Variants in EIF4G1 observed in about 807,000 individuals in gnomAD.
EIF4G1 encodes eukaryotic translation initiation factor 4 gamma 1.
EIF4G1 carries 4 observed loss-of-function variants against 187.8 expected under a neutral mutation model. The ratio of observed to expected loss-of-function variants is 0.02; its 90% confidence interval spans 0.01 to 0.05. The LOEUF (loss-of-function observed/expected upper bound fraction) is 0.05, where lower values mean the gene tolerates loss of function less well. Ranked by LOEUF, EIF4G1 falls within the 10% of genes least tolerant of loss-of-function variation. The pLI is 1.00. For missense variants in EIF4G1, 1,647 were observed against 2,081.1 expected (o/e 0.79, Z 4.06); for synonymous variants, 844 against 781.4 (o/e 1.08, Z -1.34).
At chr3:184,328,325 A>G (rs1352445180) in intron 26 of EIF4G1, 4 of 482,360 alleles carry the variant, frequency 8.3e-6, no homozygotes, top group Non-Finnish European at 1.5e-5. Context: ...CGGGAGGTGG[A>G]GGTTGCAGTG....
rs767237188 is a variant in EIF4G1 at position 184,327,825 on chromosome 3, C to T, written c.3781-5C>T. The stretch of plus-strand genomic sequence containing the variant: ...TCTCTTCCTGCTGTGCCCTGCACCC[C>T]TCAGGAGGCAGTCCAGTGCGTGCAG... On this transcript the variant is annotated splice_polypyrimidine_tract_variant and splice_region_variant and intron_variant, in intron 25 of 32. Transcript: ENST00000346169. 12 of 1,614,082 alleles carry T rather than the reference C, an allele frequency of 7.4e-6. No individual in the cohort carries two copies. Among genetic ancestry groups the T allele is most frequent in the Admixed American group, 1.7e-5 (1 of 60,030 alleles).
intron 16 of EIF4G1, 49 bp from the exon 17 acceptor site, chr3:184,324,152 T>C (rs773225953): frequency 6.2e-7 from 1 of 1,613,938 alleles, no homozygotes; most frequent in African/African-American, 1.3e-5. Flanking sequence ...TTGGAGGGCC[T>C]TCCCTGCCCA....
intron 23 of EIF4G1, 66 bp downstream of exon 23, chr3:184,327,049 C>T: frequency 1.2e-6 from 2 of 1,606,144 alleles, no homozygotes; most frequent in East Asian, 2.2e-5. Context: ...TGGTTGTTGC[C>T]ATAGGTTGGA....
chr3:184,319,653 G>A (rs779142518), intron 6 of EIF4G1, 36 bp from the exon 7 acceptor site: 22 of 1,348,776 alleles, frequency 1.6e-5, no homozygotes, highest in African/African-American at 8.6e-5. Context: ...GGGCCCTGAC[G>A]CTACCACCAT....
In EIF4G1 at chr3:184,317,340, C is replaced by G. The variant is rs367958841; in HGVS notation, c.167C>G (p.Ala56Gly). Residue 56 changes from alanine to glycine, a missense_variant, in exon 5 of 33, where the codon GCC (alanine) becomes GGC (glycine). Transcript: ENST00000346169. The part of the protein sequence containing the change: ...QPRQHFYPSR[A>G]QPPSSAASRV... The stretch of plus-strand genomic sequence containing the variant: ...TGACAGCACTTCTACCCTAGCCGGG[C>G]CCAGCCCCCGAGCAGTGCAGCCTCC... 11 of 1,613,998 alleles carry G rather than the reference C, an allele frequency of 6.8e-6. No individual in the cohort carries two copies. Among genetic ancestry groups the G allele is most frequent in the African/African-American group, 2.7e-5 (2 of 74,914 alleles).
chr3:184,326,078 A>C lies in EIF4G1; in HGVS notation c.3222+127A>C. The C allele has an allele frequency of 3.0e-6, 3 of 994,752 alleles. No individual in the cohort carries two copies. In the South Asian group the frequency reaches 4.0e-5, roughly 13 times the overall value. The allele number at this position is 994,752 out of a possible 1,614,324, so 61.6% of individuals were successfully genotyped here. A position where few individuals can be genotyped will look rare whatever the true frequency, so the allele number is the denominator to read the frequency against. On this transcript the variant is annotated intron_variant, in intron 21 of 32. Transcript: ENST00000346169. ...ACTAACTGGTTGGATTGCTGGAGAC[A>C]GGACTGCCAGCTGTAGAGGGAGGGT...
Position 184,325,460 on chromosome 3 carries a change from C to T in EIF4G1, c.2962-20C>T, listed in dbSNP as rs1724715694. The T allele has an allele frequency of 1.2e-6, 2 of 1,614,194 alleles. No individual in the cohort carries two copies. The highest frequency in any genetic ancestry group is 2.7e-5 in the African/African-American group (2 of 75,058). On this transcript the variant is annotated intron_variant, in intron 19 of 32. Transcript: ENST00000346169. The surrounding 1 kb of genome is among the most constrained non-coding windows in gnomAD (Gnocchi z 5.2). The stretch of plus-strand genomic sequence containing the variant: ...CTTGCCTTCCCTGACATCATCGTGA[C>T]TGGCCCTCTGTCTCCACAGAGCAAT...
Position 184,325,252 on chromosome 3 carries a change from G to T in EIF4G1, c.2857-17G>T. 1 of 1,613,770 alleles carries T rather than the reference G, an allele frequency of 6.2e-7. No homozygotes were observed. The highest frequency in any genetic ancestry group is 8.5e-7 in the Non-Finnish European group (1 of 1,179,708). On this transcript the variant is annotated splice_polypyrimidine_tract_variant and intron_variant, in intron 18 of 32. Coordinates refer to ENST00000346169, the MANE Select transcript of EIF4G1 (RefSeq NM_198241.3). This position sits in a 1 kb window ranked among gnomAD's most constrained non-coding sequence, Gnocchi z 5.2. ...GGACATGAGAAGTTCCTGGTCTGAT[G>T]CCTTTCTCCTTCCTAGCCCCGAATG... is the stretch of plus-strand genomic sequence containing the variant.
rs183986949 is a variant in EIF4G1 at position 184,332,663 on chromosome 3, G to C, written c.4618+577G>C. On this transcript the variant is annotated intron_variant, in intron 32 of 32. Coordinates refer to ENST00000346169, the MANE Select transcript of EIF4G1 (RefSeq NM_198241.3). ...CGGAGGGAGGACACCTGGTCTGAGGGGTAATGAGTGGTAATTCACTCCACA... is the reference window on the plus strand; with the variant it reads ...CGGAGGGAGGACACCTGGTCTGAGGCGTAATGAGTGGTAATTCACTCCACA... 2.8e-4 allele frequency among the ~76,000 whole-genome samples: 42 copies of C among 152,278 alleles called. No homozygotes were observed. The East Asian group carries it at 7.5e-3, about 27-fold the overall frequency.
chr3:184,324,650 C>T (rs1200555098), intron 17 of EIF4G1, among the ~76,000 whole-genome samples: 2 of 152,152 alleles, frequency 1.3e-5, no homozygotes, highest in South Asian at 2.1e-4. Flanking sequence ...TTAATAGAGA[C>T]GGGGTTTTAC....
In EIF4G1 at chr3:184,320,734, T is replaced by C; in HGVS notation, c.630+12T>C. 6.2e-7 allele frequency: 1 copy of C among 1,614,160 alleles called. No homozygotes were observed. The highest frequency in any genetic ancestry group is 8.5e-7 in the Non-Finnish European group (1 of 1,180,008). On this transcript the variant is annotated intron_variant, in intron 8 of 32. Coordinates refer to ENST00000346169, the MANE Select transcript of EIF4G1 (RefSeq NM_198241.3). ...CCACCCCTCCCCAGGTACTGTCTGC[T>C]TTTCGAGTGATACCCTGGCTGGGAT...
rs748637479 is a variant in EIF4G1 at position 184,323,467 on chromosome 3, T to A, written c.2148T>A (p.Ile716=). The change falls in exon 15 of 33, where the codon ATT becomes ATA. Residue 716 remains isoleucine, a synonymous_variant. Coordinates refer to ENST00000346169, the MANE Select transcript of EIF4G1 (RefSeq NM_198241.3). The surrounding 1 kb of genome is among the most constrained non-coding windows in gnomAD (Gnocchi z 6.9). The part of the protein sequence containing the change: ...QGPRKEPRKI[I]ATVLMTEDIK... ...CCCGAAAAGAACCACGCAAGATCAT[T>A]GCCACAGTGTTAATGACCGAAGATA... is the stretch of plus-strand genomic sequence containing the variant. 4.3e-6 allele frequency: 7 copies of A among 1,614,146 alleles called. No individual in the cohort carries two copies. In the Admixed American group the frequency reaches 1.2e-4, roughly 27 times the overall value.
In EIF4G1 at chr3:184,326,970, C is replaced by T. The variant is rs756207906; in HGVS notation, c.3415C>T (p.Arg1139Cys). ...AVPTESTDNR[R>C]VVQRSSLSRE... The stretch of plus-strand genomic sequence containing the variant: ...ACCCACAGAAAGCACAGATAATAGA[C>T]GTGTGGTGCAGAGGTGAGGTTTCCT... Residue 1139 changes from arginine (R) to cysteine (C), a missense_variant, in exon 23 of 33, where the codon CGT becomes TGT. Coordinates refer to ENST00000346169, the MANE Select transcript of EIF4G1 (RefSeq NM_198241.3). 204 of 1,614,080 alleles carry T rather than the reference C, an allele frequency of 1.3e-4. No homozygotes were observed. Among genetic ancestry groups the T allele is most frequent in the Non-Finnish European group, 1.6e-4 (193 of 1,180,050 alleles).
chr3:184,326,922 T>C lies in EIF4G1; in HGVS notation c.3367T>C (p.Phe1123Leu). ...ARPATSTLNR[F>L]SALQQAVPTE... ...CCCAGCTACTAGTACTTTGAATCGC[T>C]TCTCAGCCCTTCAACAAGCGGTACC... The change falls in exon 23 of 33, where the codon TTC becomes CTC. Residue 1123 changes from phenylalanine (F) to leucine (L), a missense_variant. Phe to Leu is a conservative substitution (Grantham distance 22, BLOSUM62 0). Transcript: ENST00000346169. 6.2e-7 allele frequency: 1 copy of C among 1,614,248 alleles called. No individual in the cohort carries two copies. The highest frequency in any genetic ancestry group is 8.5e-7 in the Non-Finnish European group (1 of 1,180,046).
At position 184,328,723 on chromosome 3, in the gene EIF4G1, A is replaced by C; in HGVS notation, c.4046A>C (p.Gln1349Pro). Residue 1349 changes from glutamine to proline, a missense_variant, in exon 27 of 33, where the codon CAG (glutamine) becomes CCG (proline). By Grantham distance (76) the Gln-to-Pro change is moderately conservative. This residue lies in a region of EIF4G1 where 543 missense variants were observed against 638.0 expected (regional missense o/e 0.85). Coordinates refer to ENST00000346169, the MANE Select transcript of EIF4G1 (RefSeq NM_198241.3). ...GCGGAACTGGTAACACCCATTCTGCAGGAAGGTGGGGTGCCCATGGGGGAG... is the reference window on the plus strand; with the variant it reads ...GCGGAACTGGTAACACCCATTCTGCCGGAAGGTGGGGTGCCCATGGGGGAG... ...YLAELVTPIL[Q>P]EGGVPMGELF... 1 of 1,614,166 alleles carries C rather than the reference A, an allele frequency of 6.2e-7. No homozygotes were observed. Among genetic ancestry groups the C allele is most frequent in the Non-Finnish European group, 8.5e-7 (1 of 1,180,026 alleles).
intron 6 of EIF4G1, among the ~76,000 whole-genome samples, chr3:184,319,426 GGTGTGTGTGTGTGTGTGTGTGT>G (rs1168140244): frequency 8.9e-6 from 1 of 112,876 alleles, no homozygotes; most frequent in African/African-American, 3.7e-5. Context: ...GCCTACGAGG[GGTGTGTGTGTGTGTGTGTGTGT>G]GTGTGTGTGT....
rs780052712 is a variant in EIF4G1 at position 184,323,542 on chromosome 3, G to A, written c.2223G>A (p.Thr741=). The change falls in exon 15 of 33, where the codon ACG becomes ACA. Residue 741 remains threonine, a synonymous_variant. Transcript: ENST00000346169. The surrounding 1 kb of genome is among the most constrained non-coding windows in gnomAD (Gnocchi z 6.9). Reference sequence around the variant, plus strand: ...CCTGGAAACCCAGCAGCAAGCGGACGGCGGCTGATAAGGATCGAGGGGAAG... The same window carrying A: ...CCTGGAAACCCAGCAGCAAGCGGACAGCGGCTGATAAGGATCGAGGGGAAG... ...EKAWKPSSKR[T]AADKDRGEED... is the part of the protein sequence containing the mutation. 28 of 1,614,062 alleles carry A rather than the reference G, an allele frequency of 1.7e-5. No homozygotes were observed. Among genetic ancestry groups the A allele is most frequent in the South Asian group, 7.7e-5 (7 of 91,092 alleles).
In EIF4G1 at chr3:184,325,937, A is replaced by G; in HGVS notation, c.3208A>G (p.Thr1070Ala). 1 of 1,614,074 alleles carries G rather than the reference A, an allele frequency of 6.2e-7. No homozygotes were observed. Among genetic ancestry groups the G allele is most frequent in the East Asian group, 2.2e-5 (1 of 44,870 alleles). ...GSRPIDTSRL[T>A]KITKPGSIDS... ...CCGCCCCATTGACACCTCACGACTC[A>G]CCAAGATCACCAAGGTAGGGGTGTG... is the stretch of plus-strand genomic sequence containing the variant. Residue 1070 changes from threonine (T) to alanine (A), a missense_variant, in exon 21 of 33, where the codon ACC (threonine) becomes GCC (alanine). By Grantham distance (58) the Thr-to-Ala change is moderately conservative (BLOSUM62 0). Transcript: ENST00000346169. The surrounding 1 kb of genome is among the most constrained non-coding windows in gnomAD (Gnocchi z 5.2).
rs78454679 is a variant in EIF4G1, at chr3:184,328,036, C to T, written c.3953+34C>T. 670 of 1,597,546 alleles carry T rather than the reference C, an allele frequency of 4.2e-4. 3 individuals are homozygous for T. In the African/African-American group the frequency reaches 8.3e-3, roughly 20 times the overall value. ...AGCTTCTCTGGGCCTCCCACTTATA[C>T]AGACCCACAATTTTCTATCTCCTTT... On this transcript the variant is annotated intron_variant, in intron 26 of 32. Coordinates refer to ENST00000346169, the MANE Select transcript of EIF4G1 (RefSeq NM_198241.3).
Sources: gnomAD v4.1 joint callset for allele counts (sites outside exome capture counted in the v4.1 genomes callset) on GRCh38, gnomAD v4.1.1 for gene constraint, gnomAD v4.1.1 regional missense constraint, Gnocchi (gnomAD v3.1) non-coding constraint, MANE v1.5 for transcripts, NCBI Gene and HGNC (gene_info 2026-07-23, HGNC 2026-07-21) for gene names.